CCSER1: variants seen among roughly 807,000 people sequenced by gnomAD.
CCSER1 encodes the protein coiled-coil serine rich protein 1, also known as serine-rich coiled-coil domain-containing protein 1.
CCSER1 carries 41 observed loss-of-function variants against 82.0 expected under a neutral mutation model. The ratio of observed to expected loss-of-function variants is 0.50; its 90% CI spans 0.39 to 0.65. The LOEUF is 0.65. Ranked by LOEUF, CCSER1 falls within the 30% of genes least tolerant of loss-of-function variation. CCSER1 has a pLI of 0.00. For synonymous variants in CCSER1, 414 were observed against 383.9 expected (o/e 1.08, Z -0.92); for missense variants, 1,119 against 1,064.2 (o/e 1.05, Z -0.72).
chr4:90,408,474 C>T (rs1754112874), intron 4 of CCSER1, among the ~76,000 whole-genome samples: 1 of 152,176 alleles, frequency 6.6e-6, no homozygotes, highest in African/African-American at 2.4e-5. Context: ...TTGCGGTTCA[C>T]CAATATCCAC....
intron 10 of CCSER1, among the ~76,000 whole-genome samples, chr4:91,138,932 G>A (rs1359755153): frequency 1.3e-5 from 2 of 152,176 alleles, no homozygotes; most frequent in East Asian, 3.9e-4. Flanking sequence ...TTTGTTACAT[G>A]GGCATATGGC....
intron 10 of CCSER1, among the ~76,000 whole-genome samples, chr4:91,302,171 G>T (rs534819311): frequency 6.6e-6 from 1 of 151,962 alleles, no homozygotes; most frequent in South Asian, 2.1e-4. Context: ...ATCTTCATTT[G>T]CATTTAGATG....
In CCSER1 at chr4:90,449,265, T is replaced by C. The variant is rs563834110; in HGVS notation, c.1604-18969T>C. Among the ~76,000 whole-genome samples the C allele has an allele frequency of 2.6e-5, 4 of 152,316 alleles. No homozygotes were observed. The South Asian group carries it at 8.3e-4, about 32-fold the overall frequency. ...GGCTGTCCCAACATTTCTTTGAGTCTGGCTGAGTCTGGGGTTTTTATGGAC... is the reference window on the plus strand; with the variant it reads ...GGCTGTCCCAACATTTCTTTGAGTCCGGCTGAGTCTGGGGTTTTTATGGAC... On this transcript the variant is annotated intron_variant, in intron 4 of 10. Coordinates refer to ENST00000509176, the MANE Select transcript of CCSER1 (RefSeq NM_001145065.2).
At chr4:91,038,334 T>C (rs1008660733) in intron 9 of CCSER1, among the ~76,000 whole-genome samples, 3 of 152,154 alleles carry the variant, frequency 2.0e-5, no homozygotes, top group African/African-American at 7.2e-5. Context: ...CAATGTTTCC[T>C]AAAGTGCTTG....
At chr4:91,177,119 G>A (rs144183448) in intron 10 of CCSER1, among the ~76,000 whole-genome samples, 12,430 of 152,186 alleles carry the variant, frequency 0.082, 728 homozygotes, top group Non-Finnish European at 0.12. Context: ...GATGGATTAT[G>A]TTTATTGATT....
intron 7 of CCSER1, among the ~76,000 whole-genome samples, chr4:90,788,658 A>G (rs1754842545): frequency 6.6e-6 from 1 of 152,188 alleles, no homozygotes; most frequent in South Asian, 2.1e-4. Context: ...GATGTCTGCA[A>G]AGACCTTATT....
chr4:91,135,293 T>G (rs761117686), intron 10 of CCSER1, among the ~76,000 whole-genome samples: 1 of 152,114 alleles, frequency 6.6e-6, no homozygotes, highest in African/African-American at 2.4e-5. Flanking sequence ...TAACTGGCCA[T>G]GCTCTTAAAG....
At chr4:90,739,094 C>A (rs1300996209) in intron 7 of CCSER1, among the ~76,000 whole-genome samples, 1 of 152,228 alleles carries the variant, frequency 6.6e-6, no homozygotes, top group African/African-American at 2.4e-5. Context: ...GCCAGCATAG[C>A]TCTGAGTCTC....
chr4:91,205,587 A>G (rs148944028), intron 10 of CCSER1, among the ~76,000 whole-genome samples: 2 of 151,428 alleles, frequency 1.3e-5, no homozygotes, highest in African/African-American at 4.8e-5. Context: ...CTTTACCAAA[A>G]TCTATACCTT....
In CCSER1 at chr4:90,937,456, C is replaced by T. The variant is rs575293012; in HGVS notation, c.2172+14009C>T. Among the ~76,000 whole-genome samples, 89 of 143,932 alleles carry T rather than the reference C, an allele frequency of 6.2e-4. 1 individual carries two copies. The South Asian group carries it at 0.014, about 22-fold the overall frequency. 94.4% of individuals were successfully genotyped at this position (143,932 alleles called of 152,430 possible). Reference sequence around the variant, plus strand: ...AAAATAAATGCAAACACACAGCTTACGTCGTGTTGTATTTCTAATTTGAAA... The same window carrying T: ...AAAATAAATGCAAACACACAGCTTATGTCGTGTTGTATTTCTAATTTGAAA... On this transcript the variant is annotated intron_variant, in intron 9 of 10. Transcript: ENST00000509176.
At chr4:90,449,563 G>T (rs1761146296) in intron 4 of CCSER1, among the ~76,000 whole-genome samples, 1 of 152,286 alleles carries the variant, frequency 6.6e-6, no homozygotes, top group Admixed American at 6.5e-5. Context: ...CGTGTGAGCT[G>T]CCCACAACCC....
chr4:91,338,878 G>A (rs1747508074), intron 10 of CCSER1, among the ~76,000 whole-genome samples: 1 of 152,056 alleles, frequency 6.6e-6, no homozygotes, highest in African/African-American at 2.4e-5. Flanking sequence ...ATATTTAAAA[G>A]CACAGAATTT....
intron 9 of CCSER1, among the ~76,000 whole-genome samples, chr4:91,035,004 T>A (rs904103749): frequency 4.6e-5 from 7 of 152,186 alleles, no homozygotes; most frequent in Admixed American, 3.9e-4. Flanking sequence ...CATTTATGTA[T>A]GTGAGGCTTG....
intron 9 of CCSER1, among the ~76,000 whole-genome samples, chr4:90,971,923 G>T (rs987715433): frequency 2.0e-5 from 3 of 151,756 alleles, no homozygotes; most frequent in Admixed American, 1.3e-4. Context: ...TGCAGAAAAA[G>T]AAATTGATGA....
intron 9 of CCSER1, among the ~76,000 whole-genome samples, chr4:90,977,403 CAT>C (rs1219179664): frequency 3.3e-5 from 5 of 151,538 alleles, no homozygotes; most frequent in East Asian, 1.9e-4. Flanking sequence ...TATACACACA[CAT>C]ATGTGTTTCT....
chr4:91,469,193 T>C (rs1203599748), intron 10 of CCSER1, among the ~76,000 whole-genome samples: 1 of 152,170 alleles, frequency 6.6e-6, no homozygotes, highest in African/African-American at 2.4e-5. Context: ...CTCATATCTT[T>C]AGGCAAGTTA....
At chr4:91,398,103 A>G (rs1283370533) in intron 10 of CCSER1, among the ~76,000 whole-genome samples, 1 of 151,940 alleles carries the variant, frequency 6.6e-6, no homozygotes, top group Non-Finnish European at 1.5e-5. Context: ...CTCATCTGTA[A>G]AATCATGATT....
At chr4:91,330,271 G>A (rs937176428) in intron 10 of CCSER1, among the ~76,000 whole-genome samples, 45 of 152,122 alleles carry the variant, frequency 3.0e-4, no homozygotes, top group African/African-American at 1.1e-3. Flanking sequence ...ATGCTTAGGA[G>A]GTAGTAGAAA....
chr4:90,463,422 A>G (rs553659216), intron 4 of CCSER1, among the ~76,000 whole-genome samples: 70 of 152,336 alleles, frequency 4.6e-4, no homozygotes, highest in Middle Eastern at 6.8e-3. Context: ...GAAAAGTGCA[A>G]TGACAGTAAT....
Sources: allele counts gnomAD v4.1 joint callset (sites outside exome capture counted in the v4.1 genomes callset), GRCh38; gene constraint gnomAD v4.1.1; transcripts MANE v1.5; gene names NCBI Gene and HGNC (gene_info 2026-07-23, HGNC 2026-07-21).